Variants in IPO9 observed in about 807,000 individuals in gnomAD.
The protein encoded by IPO9 is importin-9.
In IPO9, 28 loss-of-function variants were observed where a neutral mutation model predicts 128.6. The ratio of observed to expected loss-of-function variants is 0.22; its 90% CI spans 0.16 to 0.30. IPO9 has a LOEUF of 0.30. IPO9 is among the 10% of genes least tolerant of loss of function. The pLI is 1.00. For missense variants in IPO9, 935 were observed against 1,293.9 expected, an observed-to-expected ratio of 0.72 and a Z score of 4.26; for synonymous variants, 455 against 475.8, an observed-to-expected ratio of 0.96 and a Z score of 0.57.
At chr1:201,848,737 T>C (rs1680163968) in intron 4 of IPO9, 143 bp downstream of exon 4, 1 of 776,012 alleles carries the variant, frequency 1.3e-6, no homozygotes. Context: ...TCTCTCCATC[T>C]ACCCTCCAGC....
At chr1:201,855,291 G>T in intron 9 of IPO9, 109 bp downstream of exon 9, 1 of 669,072 alleles carries the variant, frequency 1.5e-6, no homozygotes, top group South Asian at 1.9e-5. Flanking sequence ...TCTATTAAGT[G>T]TTTTCTAATT....
At chr1:201,851,972 A>G (rs1248886200) in intron 4 of IPO9, 132 bp from the exon 5 acceptor site, 9 of 506,320 alleles carry the variant, frequency 1.8e-5, no homozygotes, top group African/African-American at 3.8e-5. Context: ...GAATGAGACC[A>G]CCAGGCCAGT....
chr1:201,864,027 T>C (rs1680505123), intron 14 of IPO9, among the ~76,000 whole-genome samples: 1 of 140,038 alleles, frequency 7.1e-6, no homozygotes, highest in Non-Finnish European at 1.6e-5. Flanking sequence ...GCTTATTTTT[T>C]CCCAGTTTTA....
intron 16 of IPO9, 147 bp downstream of exon 16, chr1:201,868,943 A>G (rs1029211711): frequency 2.0e-5 from 25 of 1,266,416 alleles, no homozygotes; most frequent in African/African-American, 7.6e-5. Context: ...ACAGTGGGTG[A>G]TTCTCTGAAG....
chr1:201,844,789 A>G (rs537809629), intron 1 of IPO9, among the ~76,000 whole-genome samples: 14 of 152,338 alleles, frequency 9.2e-5, no homozygotes, highest in African/African-American at 2.9e-4. Context: ...AAGCTTTTCT[A>G]TTGTATAAAT....
At chr1:201,872,686 C>A in intron 19 of IPO9, 142 bp from the exon 20 acceptor site, 1 of 870,928 alleles carries the variant, frequency 1.1e-6, no homozygotes, top group Non-Finnish European at 1.7e-6. Flanking sequence ...TCATTTTCAG[C>A]TGAACTCTCT....
chr1:201,875,349 G>A, intron 23 of IPO9, 121 bp downstream of exon 23: 1 of 877,204 alleles, frequency 1.1e-6, no homozygotes, highest in Middle Eastern at 2.6e-4. Flanking sequence ...CAACACTTTG[G>A]GAGGTCAAGG....
rs1356699127 is a variant in IPO9, at chr1:201,877,096, T to G, written c.*1042T>G. The G allele has an allele frequency of 1.3e-5, 2 of 152,346 alleles. No homozygotes were observed. Among genetic ancestry groups the G allele is most frequent in the Non-Finnish European group, 2.9e-5 (2 of 68,044 alleles). The allele number at this position is 152,346 out of a possible 1,614,324, so 9.4% of individuals were successfully genotyped here. Reference sequence around the variant, plus strand: ...CTAGTGTGTCTTGGCAAACATAGCCTGAAATGATTCTTAAAGAACTGGCAT... The same window carrying G: ...CTAGTGTGTCTTGGCAAACATAGCCGGAAATGATTCTTAAAGAACTGGCAT... On this transcript the variant is annotated 3_prime_UTR_variant, in exon 24 of 24. Transcript: ENST00000361565.
Position 201,876,093 on chromosome 1 carries a change from C to G in IPO9, c.*39C>G. The G allele has an allele frequency of 7.3e-7, 1 of 1,367,406 alleles. No homozygotes were observed. Among genetic ancestry groups the G allele is most frequent in the Non-Finnish European group, 1.0e-6 (1 of 954,970 alleles). 84.7% of individuals were successfully genotyped at this position (1,367,406 alleles called of 1,614,324 possible). ...TCTACATTTGCTCCTTCTGGGCCAG[C>G]CGCAAACCATTTTGCAGCCCTCACT... On this transcript the variant is annotated 3_prime_UTR_variant, in exon 24 of 24. Coordinates refer to ENST00000361565, the MANE Select transcript of IPO9 (RefSeq NM_018085.5).
chr1:201,875,544 C>T (rs1680745227), intron 23 of IPO9, among the ~76,000 whole-genome samples: 1 of 150,546 alleles, frequency 6.6e-6, no homozygotes, highest in Admixed American at 6.6e-5. Flanking sequence ...GAGCTGTGAT[C>T]ATACCACTGC....
chr1:201,865,311 C>G (rs1016533072), intron 14 of IPO9, among the ~76,000 whole-genome samples: 2 of 151,310 alleles, frequency 1.3e-5, no homozygotes, highest in Admixed American at 6.6e-5. Context: ...TGGGTTCAAG[C>G]AATTCTCCTG....
At chr1:201,863,650 C>T (rs1344236192) in intron 14 of IPO9, 43 bp downstream of exon 14, 16 of 1,517,108 alleles carry the variant, frequency 1.1e-5, no homozygotes, top group Non-Finnish European at 1.3e-5. Context: ...GAAAGTTGCT[C>T]AGGTTAGATA....
chr1:201,840,504 C>T (rs139743248), intron 1 of IPO9, among the ~76,000 whole-genome samples: 78 of 152,304 alleles, frequency 5.1e-4, no homozygotes, highest in East Asian at 3.9e-3. Context: ...TCCACAAATG[C>T]ACTTACCTCT....
Position 201,883,257 on chromosome 1 carries a change from G to A in IPO9, c.*7203G>A, listed in dbSNP as rs1680923276. ...AGTTGCTTTTGTAGGGTGGACAGCA[G>A]GACTGCATGAGAATAGCTGTGCTTC... On this transcript the variant is annotated 3_prime_UTR_variant, in exon 24 of 24. Transcript: ENST00000361565. 3 of 151,562 alleles carry A rather than the reference G, an allele frequency of 2.0e-5. No homozygotes were observed. Among genetic ancestry groups the A allele is most frequent in the Admixed American group, 2.0e-4 (3 of 15,200 alleles). The allele number at this position is 151,562 out of a possible 1,614,324, so 9.4% of individuals were successfully genotyped here.
At position 201,839,540 on chromosome 1, in the gene IPO9, G is replaced by A. The variant is rs546566371; in HGVS notation, c.164-7739G>A. Among the ~76,000 whole-genome samples, 5 of 123,690 alleles carry A rather than the reference G, an allele frequency of 4.0e-5. No homozygotes were observed. In the East Asian group the frequency reaches 6.9e-4, roughly 17 times the overall value. 81.1% of individuals were successfully genotyped at this position (123,690 alleles called of 152,430 possible). On this transcript the variant is annotated intron_variant, in intron 1 of 23. Transcript: ENST00000361565. ...CATGACACTGCACTCCAGCCTGGGC[G>A]ACAGAGCAAGACTCCATCTCAAAAA...
At chr1:201,872,473 G>A (rs751352053) in intron 19 of IPO9, among the ~76,000 whole-genome samples, 5 of 151,934 alleles carry the variant, frequency 3.3e-5, no homozygotes, top group Admixed American at 1.3e-4. Context: ...GCACGGTGGC[G>A]CATGCCTATA....
intron 6 of IPO9, among the ~76,000 whole-genome samples, chr1:201,854,256 G>A (rs905227781): frequency 6.6e-6 from 1 of 152,200 alleles, no homozygotes; most frequent in Admixed American, 6.5e-5. Flanking sequence ...CCTTTTCATA[G>A]TAGTCATCCC....
intron 3 of IPO9, among the ~76,000 whole-genome samples, 165 bp downstream of exon 3, chr1:201,847,803 TATCAGG>T (rs1680148252): frequency 6.6e-6 from 1 of 152,188 alleles, no homozygotes; most frequent in East Asian, 1.9e-4. Context: ...AGAGCTCAAG[TATCAGG>T]CTGGTCTGTG....
At chr1:201,869,443 A>T in intron 16 of IPO9, 147 bp from the exon 17 acceptor site, 1 of 908,220 alleles carries the variant, frequency 1.1e-6, no homozygotes, top group Non-Finnish European at 1.7e-6. Context: ...CTACCCATTT[A>T]ATTATTCCTT....
Sources: allele counts gnomAD v4.1 joint callset (sites outside exome capture counted in the v4.1 genomes callset), GRCh38; gene constraint gnomAD v4.1.1; transcripts MANE v1.5; gene names NCBI Gene and HGNC (gene_info 2026-07-23, HGNC 2026-07-21).